Variants in EYS observed in about 807,000 individuals in gnomAD.
The protein encoded by EYS is protein eyes shut homolog.
In EYS, 250 loss-of-function variants were observed where a neutral mutation model predicts 282.1. The ratio of observed to expected loss-of-function variants is 0.89; its 90% confidence interval spans 0.80 to 0.98. The LOEUF is 0.98. Among genes scored for constraint, EYS ranks in the 50% least tolerant of loss-of-function variants. EYS has a pLI of 0.00. For synonymous variants in EYS, 1,355 were observed against 1,282.9 expected (o/e 1.06, Z -1.20); for missense variants, 4,016 against 3,709.0 (o/e 1.08, Z -2.15).
intron 29 of EYS, among the ~76,000 whole-genome samples, chr6:64,341,330 CTGTA>C (rs1477658794): frequency 6.6e-6 from 1 of 151,704 alleles, no homozygotes; most frequent in Non-Finnish European, 1.5e-5. Context: ...AAATAAAATG[CTGTA>C]CATATAGACC....
intron 41 of EYS, among the ~76,000 whole-genome samples, chr6:63,760,229 A>T (rs902553826): frequency 6.6e-6 from 1 of 152,088 alleles, no homozygotes; most frequent in Non-Finnish European, 1.5e-5. Context: ...GAAAAAAGCA[A>T]TTTACCAATA....
In EYS at chr6:64,899,136, C is replaced by A. The variant is rs545027565; in HGVS notation, c.2846+2977G>T. The stretch of plus-strand genomic sequence containing the variant: ...TAGACATCTACAGAACTCTCGACCC[C>A]AAATCAACAGAATAAACATTCTTCT... On this transcript the variant is annotated intron_variant, in intron 18 of 42. Coordinates refer to ENST00000503581, the MANE Select transcript of EYS (RefSeq NM_001142800.2). Among the ~76,000 whole-genome samples, 127 of 152,170 alleles carry A rather than the reference C, an allele frequency of 8.3e-4. 2 individuals are homozygous for A. The South Asian group carries it at 0.026, about 31-fold the overall frequency.
intron 12 of EYS, among the ~76,000 whole-genome samples, chr6:65,283,314 A>T (rs1278991078): frequency 2.0e-5 from 3 of 151,908 alleles, no homozygotes; most frequent in Non-Finnish European, 2.9e-5. Context: ...TCATGATGTT[A>T]AACCAGATAC....
At chr6:65,617,293 C>T (rs958984564) in intron 2 of EYS, among the ~76,000 whole-genome samples, 4 of 152,016 alleles carry the variant, frequency 2.6e-5, no homozygotes, top group African/African-American at 9.7e-5. Context: ...TATTGATTTA[C>T]TTATGAGGGA....
At chr6:64,524,749 T>G (rs1777863284) in intron 26 of EYS, among the ~76,000 whole-genome samples, 1 of 151,826 alleles carries the variant, frequency 6.6e-6, no homozygotes, top group East Asian at 1.9e-4. Flanking sequence ...TGCTTGCTTT[T>G]GTCAACTTTG....
chr6:64,153,502 A>G lies in EYS; in HGVS notation c.6425-71500T>C, dbSNP rs561136221. ...TATAACTATAAAATGTAGAATTTAA[A>G]CAGGTAATGAACAGAAGAGGAAAAC... On this transcript the variant is annotated intron_variant, in intron 31 of 42. Coordinates refer to ENST00000503581, the MANE Select transcript of EYS (RefSeq NM_001142800.2). 7.2e-5 allele frequency among the ~76,000 whole-genome samples: 11 copies of G among 152,342 alleles called. No homozygotes were observed. In the South Asian group the frequency reaches 2.3e-3, roughly 32 times the overall value.
chr6:63,977,859 G>T (rs948954742), intron 35 of EYS, among the ~76,000 whole-genome samples: 3 of 152,032 alleles, frequency 2.0e-5, no homozygotes, highest in Non-Finnish European at 4.4e-5. Flanking sequence ...AGAAAAAGAA[G>T]AGGGATAGAA....
chr6:64,168,327 A>G (rs949331415), intron 31 of EYS, among the ~76,000 whole-genome samples: 4 of 152,212 alleles, frequency 2.6e-5, no homozygotes, highest in African/African-American at 9.7e-5. Flanking sequence ...GAGAAGTGGG[A>G]AAACTTGTTA....
rs549567831 is a variant in EYS, at chr6:65,490,221, C to A, written c.862+373G>T. 304 of 156,762 alleles carry A rather than the reference C, an allele frequency of 1.9e-3. 1 individual carries two copies. The highest frequency in any genetic ancestry group is 7.0e-3 in the African/African-American group (293 of 41,656). 9.7% of individuals were successfully genotyped at this position (156,762 alleles called of 1,614,324 possible). ...CTTTTTTTAAAGAAATTAACAGAAA[C>A]CTCAACATGTGTTCAGTGAAAATGT... On this transcript the variant is annotated intron_variant, in intron 5 of 42. Transcript: ENST00000503581.
At chr6:64,353,403 C>T (rs1013075898) in intron 29 of EYS, among the ~76,000 whole-genome samples, 12 of 151,486 alleles carry the variant, frequency 7.9e-5, no homozygotes, top group Non-Finnish European at 1.3e-4. Context: ...ACCTGTGCAT[C>T]TTCTAGATTA....
intron 18 of EYS, among the ~76,000 whole-genome samples, chr6:64,890,046 C>CCA (rs1491317318): frequency 2.0e-4 from 2 of 9,774 alleles, no homozygotes; most frequent in African/African-American, 8.0e-4. Flanking sequence ...CCTATAAATG[C>CCA]CCCCCCCCCC....
At chr6:64,294,697 T>C (rs1461848275) in intron 30 of EYS, among the ~76,000 whole-genome samples, 2 of 152,166 alleles carry the variant, frequency 1.3e-5, no homozygotes, top group Non-Finnish European at 2.9e-5. Context: ...GCACTGATAG[T>C]CAAAGATAAT....
chr6:65,009,337 C>T (rs1771790567), intron 13 of EYS, among the ~76,000 whole-genome samples: 1 of 152,058 alleles, frequency 6.6e-6, no homozygotes, highest in Admixed American at 6.6e-5. Flanking sequence ...TAAAGAAACC[C>T]CATGGATAAT....
intron 33 of EYS, among the ~76,000 whole-genome samples, chr6:64,043,382 C>G (rs1158041632): frequency 6.6e-6 from 1 of 152,222 alleles, no homozygotes; most frequent in Non-Finnish European, 1.5e-5. Context: ...GCATGCCTTA[C>G]TGAAGAGCAT....
intron 28 of EYS, among the ~76,000 whole-genome samples, chr6:64,397,060 A>C (rs552282468): frequency 5.3e-5 from 8 of 152,208 alleles, no homozygotes; most frequent in South Asian, 2.1e-4. Flanking sequence ...TTTGTATAGT[A>C]AATTACCTTA....
At position 63,925,936 on chromosome 6, in the gene EYS, G is replaced by A. The variant is rs752336252; in HGVS notation, c.7055+58447C>T. Among the ~76,000 whole-genome samples, 9 of 152,232 alleles carry A rather than the reference G, an allele frequency of 5.9e-5. No homozygotes were observed. The East Asian group carries it at 7.8e-4, about 13-fold the overall frequency. On this transcript the variant is annotated intron_variant, in intron 35 of 42. Transcript: ENST00000503581. The stretch of plus-strand genomic sequence containing the variant: ...TGAGGTTACAGACATGAGCCACCAC[G>A]CCTGGCCCTGTCATCTAGGTTTTAA...
At chr6:65,618,246 T>TA (rs1554217866) in intron 2 of EYS, among the ~76,000 whole-genome samples, 1 of 152,286 alleles carries the variant, frequency 6.6e-6, no homozygotes, top group Non-Finnish European at 1.5e-5. Context: ...ATCGCCATTC[T>TA]AACTGGTGTG....
intron 22 of EYS, among the ~76,000 whole-genome samples, chr6:64,660,830 T>G (rs1283936228): frequency 6.6e-6 from 1 of 152,152 alleles, no homozygotes; most frequent in African/African-American, 2.4e-5. Flanking sequence ...ATTTATAGAT[T>G]CAATGCCATC....
intron 31 of EYS, among the ~76,000 whole-genome samples, chr6:64,160,781 C>T (rs953182583): frequency 1.3e-5 from 2 of 152,192 alleles, no homozygotes; most frequent in African/African-American, 4.8e-5. Flanking sequence ...CTGCCAAATA[C>T]ACAGCCTATG....
Sources: gnomAD v4.1 joint callset for allele counts (sites outside exome capture counted in the v4.1 genomes callset) on GRCh38, gnomAD v4.1.1 for gene constraint, MANE v1.5 for transcripts, NCBI Gene and HGNC (gene_info 2026-07-23, HGNC 2026-07-21) for gene names.